Variants in CRPPA observed in about 807,000 individuals in gnomAD.
CRPPA encodes D-ribitol-5-phosphate cytidylyltransferase.
CRPPA carries 43 observed loss-of-function variants against 52.0 expected under a neutral mutation model. The observed-to-expected ratio is 0.83, with a 90% CI of 0.65 to 1.07. CRPPA has a LOEUF of 1.07. CRPPA is among the 50% of genes least tolerant of loss of function. The probability of loss-of-function intolerance (pLI) is 0.00; values close to 1 mark genes in which losing one functional copy is unlikely to be tolerated. For synonymous variants in CRPPA, 250 were observed against 203.5 expected (o/e 1.23, Z -1.94); for missense variants, 629 against 551.7 (o/e 1.14, Z -1.40).
chr7:16,330,414 T>G (rs1300130268), intron 3 of CRPPA, among the ~76,000 whole-genome samples: 1 of 152,206 alleles, frequency 6.6e-6, no homozygotes, highest in South Asian at 2.1e-4. Context: ...CTCCCTCTTA[T>G]ATCCGTAAGA....
intron 9 of CRPPA, among the ~76,000 whole-genome samples, chr7:16,123,677 C>T (rs959928139): frequency 5.3e-5 from 8 of 152,102 alleles, no homozygotes; most frequent in African/African-American, 1.9e-4. Context: ...GAGGTCATTA[C>T]AGCACATTAA....
At chr7:16,298,843 A>C (rs1358469483) in intron 5 of CRPPA, among the ~76,000 whole-genome samples, 1 of 152,200 alleles carries the variant, frequency 6.6e-6, no homozygotes, top group Non-Finnish European at 1.5e-5. Flanking sequence ...AAGGCAAAGG[A>C]AAGGCAGATT....
At chr7:16,238,875 T>C (rs552901480) in intron 8 of CRPPA, among the ~76,000 whole-genome samples, 11 of 152,252 alleles carry the variant, frequency 7.2e-5, no homozygotes, top group South Asian at 4.1e-4. Context: ...CAGTGGCTCA[T>C]GCCTGTAATC....
chr7:16,102,232 G>A (rs979453147), intron 9 of CRPPA, among the ~76,000 whole-genome samples: 1 of 152,156 alleles, frequency 6.6e-6, no homozygotes, highest in Admixed American at 6.5e-5. Context: ...AATAAATGGT[G>A]TTAGGAAAAC....
At chr7:16,385,297 A>G (rs1372336902) in intron 2 of CRPPA, among the ~76,000 whole-genome samples, 2 of 152,148 alleles carry the variant, frequency 1.3e-5, no homozygotes, top group Non-Finnish European at 2.9e-5. Context: ...TTAGTCTTCA[A>G]GAAGCTCAAT....
At chr7:16,286,086 T>TAA (rs1784438419) in intron 5 of CRPPA, among the ~76,000 whole-genome samples, 3 of 8,008 alleles carry the variant, frequency 3.7e-4, no homozygotes, top group Non-Finnish European at 6.4e-4. Context: ...TATATAATAT[T>TAA]TAAAAAAAAA....
rs1219365396 is a variant in CRPPA, at chr7:16,249,247, A to G, written c.1119+9143T>C. Among the ~76,000 whole-genome samples the G allele has an allele frequency of 3.3e-5, 5 of 151,432 alleles. No homozygotes were observed. In the East Asian group the frequency reaches 7.8e-4, roughly 24 times the overall value. The stretch of plus-strand genomic sequence containing the variant: ...CCCCAGTCAGGGGCTTATAGATAAA[A>G]CCCCCATCTCCCTGGGACAGAGCAC... On this transcript the variant is annotated intron_variant, in intron 8 of 9. Coordinates refer to ENST00000407010, the MANE Select transcript of CRPPA (RefSeq NM_001101426.4).
chr7:16,259,561 A>G (rs1783738389), intron 6 of CRPPA, among the ~76,000 whole-genome samples: 1 of 152,024 alleles, frequency 6.6e-6, no homozygotes, highest in South Asian at 2.1e-4. Flanking sequence ...GTCCGAGATT[A>G]GATTAGATTT....
At chr7:16,264,878 A>C (rs73060586) in intron 6 of CRPPA, among the ~76,000 whole-genome samples, 29,805 of 152,132 alleles carry the variant, frequency 0.2, 3,274 homozygotes, top group East Asian at 0.44. Context: ...CTCTGGTACC[A>C]AGATCCCTGG....
At chr7:16,358,370 C>A (rs1786358492) in intron 3 of CRPPA, among the ~76,000 whole-genome samples, 1 of 152,132 alleles carries the variant, frequency 6.6e-6, no homozygotes, top group African/African-American at 2.4e-5. Context: ...GGATTTGGAG[C>A]TGGGAAGCGA....
rs1491461185 is a variant in CRPPA at position 16,342,798 on chromosome 7, T to TATATAGATAGATATATAGATATA, written c.684+33293_684+33294insTATATCTATATATCTATCTATAT. 1.8e-3 allele frequency among the ~76,000 whole-genome samples: 183 copies of TATATAGATAGATATATAGATATA among 101,210 alleles called. 15 individuals carry two copies. Among genetic ancestry groups the TATATAGATAGATATATAGATATA allele is most frequent in the African/African-American group, 6.8e-3 (166 of 24,564 alleles). The allele number at this position is 101,210 out of a possible 152,430, so 66.4% of individuals were successfully genotyped here. A position where few individuals can be genotyped will look rare whatever the true frequency, so the allele number is the denominator to read the frequency against. On this transcript the variant is annotated intron_variant, in intron 3 of 9. Transcript: ENST00000407010. The stretch of plus-strand genomic sequence containing the variant: ...AAAAAAAAAAATATATATATATATA[T>TATATAGATAGATATATAGATATA]CTATATAGATATATAGATATACATA...
intron 9 of CRPPA, among the ~76,000 whole-genome samples, chr7:16,202,562 A>T (rs561775848): frequency 9.8e-5 from 15 of 152,314 alleles, no homozygotes; most frequent in African/African-American, 3.6e-4. Context: ...CCTATTCTAG[A>T]TAAGGAAGTC....
At chr7:16,258,885 T>C (rs1783717934) in intron 7 of CRPPA, 35 bp downstream of exon 7, 1 of 1,358,660 alleles carries the variant, frequency 7.4e-7, no homozygotes, top group African/African-American at 1.4e-5. Context: ...TTTGTTCATA[T>C]CCTTAAGTGC....
chr7:16,278,447 G>C (rs984826449), intron 5 of CRPPA, among the ~76,000 whole-genome samples: 4 of 152,148 alleles, frequency 2.6e-5, no homozygotes, highest in South Asian at 2.1e-4. Flanking sequence ...TGTGGGTGAA[G>C]AACCAGCCAT....
chr7:16,151,943 AT>A (rs1305254025), intron 9 of CRPPA, among the ~76,000 whole-genome samples: 1 of 152,070 alleles, frequency 6.6e-6, no homozygotes, highest in African/African-American at 2.4e-5. Flanking sequence ...AAATAAAAAA[AT>A]TCACTCCAAA....
chr7:16,171,024 T>G (rs1273922820), intron 9 of CRPPA, among the ~76,000 whole-genome samples: 1 of 152,212 alleles, frequency 6.6e-6, no homozygotes, highest in Non-Finnish European at 1.5e-5. Flanking sequence ...GCTCCCACAG[T>G]GCAGCAGCAG....
Position 16,091,527 on chromosome 7 carries a change from C to G in CRPPA, c.*168G>C. On this transcript the variant is annotated 3_prime_UTR_variant, in exon 10 of 10. Transcript: ENST00000407010. ...ATACACAAAAGTATTCTTTATTTCA[C>G]AGATATAAACATTAATCTGCTTTAT... The G allele has an allele frequency of 2.0e-6, 1 of 502,028 alleles. No homozygotes were observed. The highest frequency in any genetic ancestry group is 3.4e-6 in the Non-Finnish European group (1 of 290,034). The allele number at this position is 502,028 out of a possible 1,614,324, so 31.1% of individuals were successfully genotyped here.
chr7:16,289,247 T>G (rs545508232), intron 5 of CRPPA, among the ~76,000 whole-genome samples: 6 of 152,112 alleles, frequency 3.9e-5, no homozygotes, highest in African/African-American at 9.7e-5. Flanking sequence ...CAGGACCAGA[T>G]AGATTCACTG....
chr7:16,254,800 A>AGAAAGAAG (rs1185213884), intron 8 of CRPPA, among the ~76,000 whole-genome samples: 232 of 80,196 alleles, frequency 2.9e-3, no homozygotes, highest in Middle Eastern at 0.012. Flanking sequence ...AAGGAAAGAA[A>AGAAAGAAG]GAAAGAAAGA....
Sources: allele counts gnomAD v4.1 joint callset (sites outside exome capture counted in the v4.1 genomes callset), GRCh38; gene constraint gnomAD v4.1.1; transcripts MANE v1.5; gene names NCBI Gene and HGNC (gene_info 2026-07-23, HGNC 2026-07-21).